ERCC2: variants seen among roughly 807,000 people sequenced by gnomAD.
ERCC2 encodes the protein ERCC excision repair 2, TFIIH core complex helicase subunit, also known as general transcription and DNA repair factor IIH helicase subunit XPD.
A neutral mutation model predicts 99.4 loss-of-function variants in ERCC2; 90 were observed. The observed-to-expected ratio is 0.91, with a 90% CI of 0.76 to 1.08. The LOEUF is 1.08. Among genes scored for constraint, ERCC2 ranks in the 50% least tolerant of loss-of-function variants. The pLI is 0.00. For synonymous variants in ERCC2, 497 were observed against 432.4 expected (o/e 1.15, Z -1.85); for missense variants, 993 against 1,038.1 (o/e 0.96, Z 0.60).
In ERCC2 at chr19:45,363,877, A is replaced by G. The variant is rs1972316689; in HGVS notation, c.984T>C (p.His328=). 4.5e-6 allele frequency: 7 copies of G among 1,551,772 alleles called. No individual in the cohort carries two copies. Among genetic ancestry groups the G allele is most frequent in the Non-Finnish European group, 6.1e-6 (7 of 1,155,596 alleles). Residue 328 remains histidine (H), a synonymous_variant, in exon 11 of 23, where the codon CAT becomes CAC. Coordinates refer to ENST00000391945, the MANE Select transcript of ERCC2 (RefSeq NM_000400.4). ...GCAGCCGCCTCAGGAAGCCCAGGAA[A>G]TGCTCGGCCGTGCGGATGGAGCCAG... is the stretch of plus-strand genomic sequence containing the variant. ...AVPGSIRTAE[H]FLGFLRRLLE...
intron 17 of ERCC2, among the ~76,000 whole-genome samples, chr19:45,354,299 C>T (rs986660032): frequency 1.3e-5 from 2 of 152,248 alleles, no homozygotes; most frequent in African/African-American, 4.8e-5. Flanking sequence ...GGGGCTCCTG[C>T]AGACCCTTGA....
intron 22 of ERCC2, 92 bp downstream of exon 22, chr19:45,352,117 G>C: frequency 7.1e-7 from 1 of 1,410,986 alleles, no homozygotes; most frequent in South Asian, 1.2e-5. Flanking sequence ...AGGACAGGCA[G>C]GCTGAGGGTG....
At chr19:45,364,605 C>T (rs1390684464) in intron 7 of ERCC2, 58 bp from the exon 8 acceptor site, 2 of 1,604,722 alleles carry the variant, frequency 1.2e-6, no homozygotes, top group Non-Finnish European at 1.7e-6. Flanking sequence ...CTACCCCTAC[C>T]CCTGGCCACA....
rs780857415 is a variant in ERCC2, at chr19:45,351,719, C to T, written c.2193G>A (p.Glu731=). 1.2e-6 allele frequency: 2 copies of T among 1,613,800 alleles called. No homozygotes were observed. Among genetic ancestry groups the T allele is most frequent in the Middle Eastern group, 3.3e-4 (2 of 6,058 alleles). ...TGAGCAGGGACAGGCCCAGCTGATC[C>T]TCCTGCAGAGAACAGAGGAAAGGGA... ...LRQMAQPFHR[E]DQLGLSLLSL... Residue 731 remains glutamate (E), a splice_region_variant and synonymous_variant, in exon 23 of 23, where the codon GAG becomes GAA. Transcript: ENST00000391945.
intron 12 of ERCC2, 41 bp downstream of exon 12, chr19:45,361,483 C>G: frequency 7.1e-7 from 1 of 1,414,202 alleles, no homozygotes; most frequent in Non-Finnish European, 1.0e-6. Flanking sequence ...CTGATTCCAG[C>G]TGCTAGGAGG....
chr19:45,360,462 C>G (rs1972180904), intron 12 of ERCC2, among the ~76,000 whole-genome samples: 1 of 151,074 alleles, frequency 6.6e-6, no homozygotes, highest in African/African-American at 2.4e-5. Context: ...ACTGTAACCT[C>G]TGCCTCCTGG....
chr19:45,355,625 C>A (rs777857013), intron 16 of ERCC2, 40 bp downstream of exon 16: 9 of 1,577,376 alleles, frequency 5.7e-6, no homozygotes, highest in Non-Finnish European at 7.8e-6. Flanking sequence ...TACACCTCCC[C>A]TCTTGGAACC....
rs1182084610 is a variant in ERCC2 at position 45,351,659 on chromosome 19, C to T, written c.2253G>A (p.Lys751=). ...GCTGCTGAGCAATCTGCTCTATCCT[C>T]TTCAGCGTCTCCTCTGATTCTAGCT... The part of the protein sequence containing the change: ...LEQLESEETL[K]RIEQIAQQL The change falls in exon 23 of 23, where the codon AAG becomes AAA. Residue 751 remains lysine (K), a synonymous_variant. Coordinates refer to ENST00000391945, the MANE Select transcript of ERCC2 (RefSeq NM_000400.4). 1.2e-6 allele frequency: 2 copies of T among 1,614,096 alleles called. No individual in the cohort carries two copies. The highest frequency in any genetic ancestry group is 1.3e-5 in the African/African-American group (1 of 75,050).
intron 5 of ERCC2, among the ~76,000 whole-genome samples, chr19:45,367,368 TAC>T (rs35938083): frequency 0.38 from 31,667 of 82,830 alleles, 3,997 homozygotes; most frequent in Admixed American, 0.46. Context: ...TATATATATA[TAC>T]ACACACACAC....
At chr19:45,352,102 G>T in intron 22 of ERCC2, 107 bp downstream of exon 22, 1 of 1,281,582 alleles carries the variant, frequency 7.8e-7, no homozygotes, top group Non-Finnish European at 1.1e-6. Context: ...TTTGCTGAGG[G>T]CAGGAGGACA....
rs755145728 is a variant in ERCC2 at position 45,353,090 on chromosome 19, G to A, written c.1824C>T (p.Ile608=). The A allele has an allele frequency of 2.0e-5, 33 of 1,612,766 alleles. No homozygotes were observed. Among genetic ancestry groups the A allele is most frequent in the African/African-American group, 5.3e-5 (4 of 74,828 alleles). ...AGAGCCCAGTCCACTCACCAAAGTC[G>A]ATTCCCTCGGACACTTTGCCCCGGG... is the stretch of plus-strand genomic sequence containing the variant. The part of the protein sequence containing the change: ...SVARGKVSEG[I]DFVHHYGRAV... The change falls in exon 19 of 23, where the codon ATC becomes ATT. Residue 608 remains isoleucine, a synonymous_variant. Transcript: ENST00000391945.
chr19:45,351,042 A>G lies in ERCC2; in HGVS notation c.*587T>C, dbSNP rs766842205. On this transcript the variant is annotated 3_prime_UTR_variant, in exon 23 of 23. Transcript: ENST00000391945. ...GGTGAGGGGGACATCTGGGTCAAAAATAGAGGAGGCCATGTGGGTAGGTGC... is the reference window on the plus strand; with the variant it reads ...GGTGAGGGGGACATCTGGGTCAAAAGTAGAGGAGGCCATGTGGGTAGGTGC... The G allele has an allele frequency of 3.1e-6, 5 of 1,614,006 alleles. No individual in the cohort carries two copies. Among genetic ancestry groups the G allele is most frequent in the East Asian group, 4.5e-5 (2 of 44,874 alleles).
In ERCC2 at chr19:45,350,904, G is replaced by A; in HGVS notation, c.*725C>T. ...TGTGCTGGAAAGGTCCCTCGTGGAG[G>A]GGGGCCACTCCTGGATTCACTCATT... is the stretch of plus-strand genomic sequence containing the variant. On this transcript the variant is annotated 3_prime_UTR_variant, in exon 23 of 23. Coordinates refer to ENST00000391945, the MANE Select transcript of ERCC2 (RefSeq NM_000400.4). The A allele has an allele frequency of 6.3e-7, 1 of 1,591,634 alleles. No individual in the cohort carries two copies. The highest frequency in any genetic ancestry group is 1.7e-5 in the Admixed American group (1 of 59,934).
At chr19:45,366,035 C>T (rs1972415585) in intron 5 of ERCC2, among the ~76,000 whole-genome samples, 2 of 152,030 alleles carry the variant, frequency 1.3e-5, no homozygotes, top group African/African-American at 2.4e-5. Flanking sequence ...TGAGGTCTTG[C>T]TATGTTGCCC....
At chr19:45,358,698 C>T (rs1348287319) in intron 12 of ERCC2, 3 of 672,222 alleles carry the variant, frequency 4.5e-6, no homozygotes, top group African/African-American at 1.8e-5. Context: ...AAAGTCAGCC[C>T]CTCCGAGAGG....
In ERCC2 at chr19:45,355,714, G is replaced by T. The variant is rs754030852; in HGVS notation, c.1494C>A (p.Gly498=). 6.2e-7 allele frequency: 1 copy of T among 1,614,042 alleles called. No homozygotes were observed. The highest frequency in any genetic ancestry group is 2.2e-5 in the East Asian group (1 of 44,878). Residue 498 remains glycine (G), a synonymous_variant, in exon 16 of 23, where the codon GGC becomes GGA. Coordinates refer to ENST00000391945, the MANE Select transcript of ERCC2 (RefSeq NM_000400.4). ...TGGAGCTGATGGCCACCTGGTCATT[G>T]CCACGGCCGATGATCTGGAGAGCAA... ...VCLCPMIIGR[G]NDQVAISSKF...
intron 5 of ERCC2, among the ~76,000 whole-genome samples, chr19:45,365,913 C>A (rs745823890): frequency 1.3e-5 from 2 of 152,198 alleles, no homozygotes; most frequent in Non-Finnish European, 2.9e-5. Flanking sequence ...CGGCTCACTA[C>A]ATCCTTGACC....
At position 45,350,976 on chromosome 19, in the gene ERCC2, A is replaced by G. The variant is rs1356642677; in HGVS notation, c.*653T>C. 6.2e-7 allele frequency: 1 copy of G among 1,614,094 alleles called. No homozygotes were observed. The highest frequency in any genetic ancestry group is 8.5e-7 in the Non-Finnish European group (1 of 1,180,018). On this transcript the variant is annotated 3_prime_UTR_variant, in exon 23 of 23. Transcript: ENST00000391945. ...CAGAATGAAGAGAGCCATGTCACTC[A>G]ACACACTGAACGTGGATGCTCCAAG... is the stretch of plus-strand genomic sequence containing the variant.
rs560366651 is a variant in ERCC2 at position 45,351,510 on chromosome 19, G to C, written c.*119C>G. 176 of 1,483,468 alleles carry C rather than the reference G, an allele frequency of 1.2e-4. 1 individual carries two copies. The highest frequency in any genetic ancestry group is 1.5e-4 in the Non-Finnish European group (159 of 1,082,482). 91.9% of individuals were successfully genotyped at this position (1,483,468 alleles called of 1,614,324 possible). A position where few individuals can be genotyped will look rare whatever the true frequency, so the allele number is the denominator to read the frequency against. On this transcript the variant is annotated 3_prime_UTR_variant, in exon 23 of 23. Coordinates refer to ENST00000391945, the MANE Select transcript of ERCC2 (RefSeq NM_000400.4). ...TCTCCTGCGATTAAAGGCTGTGGAC[G>C]TGACAGTGAGAAATGTCACCTGACT...
Sources: gnomAD v4.1 joint callset for allele counts (sites outside exome capture counted in the v4.1 genomes callset) on GRCh38, gnomAD v4.1.1 for gene constraint, MANE v1.5 for transcripts, NCBI Gene and HGNC (gene_info 2026-07-23, HGNC 2026-07-21) for gene names.